Variants in BDNF observed in about 807,000 individuals in gnomAD.
The protein encoded by BDNF is brain derived neurotrophic factor.
In BDNF, 1 loss-of-function variant was observed where a neutral mutation model predicts 19.5. The ratio of observed to expected loss-of-function variants is 0.05; its 90% CI spans 0.02 to 0.24. BDNF has a LOEUF of 0.24. BDNF is among the 10% of genes least tolerant of loss of function. The probability of loss-of-function intolerance (pLI) is 1.00; values close to 1 mark genes in which losing one functional copy is unlikely to be tolerated. For synonymous variants in BDNF, 100 were observed against 121.6 expected, an observed-to-expected ratio of 0.82 and a Z score of 1.17; for missense variants, 195 against 317.6, an observed-to-expected ratio of 0.61 and a Z score of 2.93.
intron 1 of BDNF, among the ~76,000 whole-genome samples, chr11:27,683,369 T>C (rs1289802828): frequency 6.6e-6 from 1 of 152,220 alleles, no homozygotes; most frequent in Non-Finnish European, 1.5e-5. Context: ...CTGTTCACTC[T>C]GATGTTAGTT....
Position 27,700,197 on chromosome 11 carries a change from C to A in BDNF, c.-55G>T. 1 of 985,710 alleles carries A rather than the reference C, an allele frequency of 1.0e-6. No homozygotes were observed. Among genetic ancestry groups the A allele is most frequent in the Non-Finnish European group, 1.2e-6 (1 of 830,178 alleles). The allele number at this position is 985,710 out of a possible 1,614,324, so 61.1% of individuals were successfully genotyped here. On this transcript the variant is annotated 5_prime_UTR_variant, in exon 1 of 2. Coordinates refer to ENST00000356660, the MANE Select transcript of BDNF (RefSeq NM_001709.5). The stretch of plus-strand genomic sequence containing the variant: ...CCACACAAACCTCACGGGTCCCCGG[C>A]GGCGGAGTCACATCGTGGTTCCGAT...
At chr11:27,691,049 GTC>G (rs1858194354) in intron 1 of BDNF, 1 of 152,172 alleles carries the variant, frequency 6.6e-6, no homozygotes, top group South Asian at 2.1e-4. Flanking sequence ...TTAAGAAAAT[GTC>G]TAACAAACAT....
At position 27,688,683 on chromosome 11, in the gene BDNF, G is replaced by A. The variant is rs142717352; in HGVS notation, c.-22+11481C>T. 5.1e-4 allele frequency among the ~76,000 whole-genome samples: 78 copies of A among 152,248 alleles called. No homozygotes were observed. The East Asian group carries it at 9.1e-3, about 18-fold the overall frequency. On this transcript the variant is annotated intron_variant, in intron 1 of 1. Transcript: ENST00000356660. Reference sequence around the variant, plus strand: ...GGAGGGAGTTCCCCTGACCCCTTGCGCTTCCTGAGTGAGGCAATGCTCCAC... The same window carrying A: ...GGAGGGAGTTCCCCTGACCCCTTGCACTTCCTGAGTGAGGCAATGCTCCAC...
chr11:27,715,631 A>G (rs1293333676), intron 1 of BDNF, among the ~76,000 whole-genome samples: 1 of 152,230 alleles, frequency 6.6e-6, no homozygotes, highest in Non-Finnish European at 1.5e-5. Flanking sequence ...AAATAGGAGA[A>G]AATAATGCCT....
At chr11:27,668,962 A>G (rs1016681158) in intron 1 of BDNF, among the ~76,000 whole-genome samples, 11 of 152,240 alleles carry the variant, frequency 7.2e-5, no homozygotes, top group African/African-American at 2.4e-4. Context: ...ACAAAAAAAG[A>G]GAATTTCAGG....
Position 27,657,880 on chromosome 11 carries a change from G to T in BDNF, c.685C>A (p.Arg229=), listed in dbSNP as rs772989712. Residue 229 remains arginine, a synonymous_variant, in exon 2 of 2, where the codon CGA becomes AGA. Transcript: ENST00000356660. The surrounding 1 kb of genome is among the most constrained non-coding windows in gnomAD (Gnocchi z 5.0). ...CAAGAAGTGTCTATCCTTATGAATCGCCAGCCAATTCTCTTTTTGCTATCC... is the reference window on the plus strand; with the variant it reads ...CAAGAAGTGTCTATCCTTATGAATCTCCAGCCAATTCTCTTTTTGCTATCC... The part of the protein sequence containing the change: ...TMDSKKRIGW[R]FIRIDTSCVC... The T allele has an allele frequency of 1.2e-6, 2 of 1,613,890 alleles. No homozygotes were observed. Among genetic ancestry groups the T allele is most frequent in the South Asian group, 2.2e-5 (2 of 91,052 alleles).
chr11:27,707,315 A>G (rs1860149593), intron 1 of BDNF, among the ~76,000 whole-genome samples: 1 of 152,254 alleles, frequency 6.6e-6, no homozygotes, highest in Admixed American at 6.5e-5. Flanking sequence ...CAATGAGACC[A>G]AATCATGGGA....
At chr11:27,712,990 C>T (rs1270814654) in intron 1 of BDNF, among the ~76,000 whole-genome samples, 1 of 147,976 alleles carries the variant, frequency 6.8e-6, no homozygotes, top group Admixed American at 6.8e-5. Flanking sequence ...TTACTACAGC[C>T]TCTGTCTCCA....
chr11:27,698,843 T>G (rs894921650), intron 1 of BDNF, among the ~76,000 whole-genome samples: 2 of 152,148 alleles, frequency 1.3e-5, no homozygotes, highest in African/African-American at 4.8e-5. Flanking sequence ...AAGGAGTAAG[T>G]GCAGGATAAC....
intron 1 of BDNF, among the ~76,000 whole-genome samples, chr11:27,676,318 C>T (rs986365971): frequency 1.3e-5 from 2 of 152,092 alleles, no homozygotes; most frequent in Non-Finnish European, 2.9e-5. Context: ...ATACAGTGGC[C>T]CTGTCAAAAT....
intron 1 of BDNF, among the ~76,000 whole-genome samples, chr11:27,660,989 A>ATAAC (rs1183408694): frequency 9.9e-5 from 15 of 152,202 alleles, no homozygotes; most frequent in Non-Finnish European, 1.5e-5. Flanking sequence ...CTTTTTATTA[A>ATAAC]TAACTTTATG....
At chr11:27,720,366 C>G in intron 1 of BDNF, 1 of 985,950 alleles carries the variant, frequency 1.0e-6, no homozygotes, top group East Asian at 1.1e-4. Flanking sequence ...GCTTACACCA[C>G]CCCGGTGGCT....
chr11:27,712,761 C>A (rs188007215), intron 1 of BDNF, among the ~76,000 whole-genome samples: 2 of 151,548 alleles, frequency 1.3e-5, no homozygotes, highest in Non-Finnish European at 2.9e-5. Context: ...GTGATCCACC[C>A]GCCTTGGCCT....
intron 1 of BDNF, among the ~76,000 whole-genome samples, chr11:27,699,859 C>A (rs935090040): frequency 2.6e-5 from 4 of 152,154 alleles, no homozygotes; most frequent in African/African-American, 9.6e-5. Context: ...GGGAGGGCTG[C>A]GAGGGATCCC....
At chr11:27,716,252 T>G (rs1402729267) in intron 1 of BDNF, among the ~76,000 whole-genome samples, 1 of 152,186 alleles carries the variant, frequency 6.6e-6, no homozygotes, top group Non-Finnish European at 1.5e-5. Context: ...GTTGAAAAAT[T>G]TAATCTTTCT....
chr11:27,718,354 AC>A (rs376255605), intron 1 of BDNF, among the ~76,000 whole-genome samples: 16 of 101,106 alleles, frequency 1.6e-4, no homozygotes, highest in South Asian at 4.3e-4. Context: ...TCCGCACACC[AC>A]CCCCCCCCGC....
At position 27,658,256 on chromosome 11, in the gene BDNF, C is replaced by T. The variant is rs935219250; in HGVS notation, c.309G>A (p.Glu103=). 5.6e-6 allele frequency: 9 copies of T among 1,613,864 alleles called. No individual in the cohort carries two copies. In the African/African-American group the frequency reaches 8.0e-5, roughly 14 times the overall value. ...RVMLSSQVPL[E]PPLLFLLEEY... ...CCTCCAGCAGAAAGAGAAGAGGAGG[C>T]TCCAAAGGCACTTGACTACTGAGCA... Residue 103 remains glutamate, a synonymous_variant, in exon 2 of 2, where the codon GAG becomes GAA. Transcript: ENST00000356660. The surrounding 1 kb of genome is among the most constrained non-coding windows in gnomAD (Gnocchi z 5.7).
intron 1 of BDNF, chr11:27,674,780 A>G (rs1855866501): frequency 1.0e-6 from 1 of 966,796 alleles, no homozygotes; most frequent in Admixed American, 6.2e-5. Flanking sequence ...AACATATTTC[A>G]TCTAAGCATA....
Position 27,657,232 on chromosome 11 carries a change from AACAAAACAAACAAACGAAAAAAAAAC to A in BDNF, c.*563_*588del. 1 of 986,618 alleles carries A rather than the reference AACAAAACAAACAAACGAAAAAAAAAC, an allele frequency of 1.0e-6. No individual in the cohort carries two copies. The highest frequency in any genetic ancestry group is 1.2e-6 in the Non-Finnish European group (1 of 830,122). The allele number at this position is 986,618 out of a possible 1,614,324, so 61.1% of individuals were successfully genotyped here. A position where few individuals can be genotyped will look rare whatever the true frequency, so the allele number is the denominator to read the frequency against. On this transcript the variant is annotated 3_prime_UTR_variant, in exon 2 of 2. Coordinates refer to ENST00000356660, the MANE Select transcript of BDNF (RefSeq NM_001709.5). This position sits in a 1 kb window ranked among gnomAD's most constrained non-coding sequence, Gnocchi z 5.0. ...TCTCTACTCCCTGTGGGAACTAAAA[AACAAAACAAACAAACGAAAAAAAAAC>A]ACAAAACAAACAAAAATATACCCCC...
Sources: gnomAD v4.1 joint callset for allele counts (sites outside exome capture counted in the v4.1 genomes callset) on GRCh38, gnomAD v4.1.1 for gene constraint, Gnocchi (gnomAD v3.1) non-coding constraint, MANE v1.5 for transcripts, NCBI Gene and HGNC (gene_info 2026-07-23, HGNC 2026-07-21) for gene names.